The following C2orf76 variants were observed in gnomAD, a reference collection of about 807,000 sequenced individuals.
C2orf76 encodes the protein UPF0538 protein C2orf76.
A neutral mutation model predicts 16.9 loss-of-function variants in C2orf76; 23 were observed. That is an observed-to-expected ratio of 1.36 (90% CI 0.98 to 1.93). The LOEUF (loss-of-function observed/expected upper bound fraction) is 1.93, where lower values mean the gene tolerates loss of function less well. Among genes scored for constraint, C2orf76 ranks in the 30% most tolerant of loss-of-function variants. The probability of loss-of-function intolerance (pLI) is 0.00; values close to 1 mark genes in which losing one functional copy is unlikely to be tolerated. For missense variants in C2orf76, 152 were observed against 152.6 expected (o/e 1.00, Z 0.02); for synonymous variants, 48 against 52.3 (o/e 0.92, Z 0.35).
At chr2:119,282,806 A>G in the C2orf76 span, among the ~76,000 whole-genome samples, 1 of 152,246 alleles carries the variant, frequency 6.6e-6, no homozygotes, top group Non-Finnish European at 1.5e-5. Context: ...ATTAAAAAAT[A>G]ATCCAAATGT....
intron 4 of C2orf76, among the ~76,000 whole-genome samples, chr2:119,315,094 C>T (rs1403402665): frequency 1.3e-5 from 2 of 152,102 alleles, no homozygotes; most frequent in African/African-American, 4.8e-5. Context: ...ATGACTTCCA[C>T]ACATAAAATG....
At chr2:119,285,204 A>G in the C2orf76 span, among the ~76,000 whole-genome samples, 9 of 152,258 alleles carry the variant, frequency 5.9e-5, no homozygotes, top group Non-Finnish European at 8.8e-5. Flanking sequence ...TACTGTGCAT[A>G]AAACCATTAG....
intron 4 of C2orf76, among the ~76,000 whole-genome samples, chr2:119,312,081 ATAAACCCTCAGCAGTGCCG>A (rs1317434301): frequency 6.6e-6 from 1 of 152,148 alleles, no homozygotes; most frequent in Admixed American, 6.5e-5. Context: ...GATGGGGCAT[ATAAACCCTCAGCAGTGCCG>A]GCCGCAGGGT....
chr2:119,316,697 G>T (rs1679183915), intron 4 of C2orf76, among the ~76,000 whole-genome samples: 1 of 152,124 alleles, frequency 6.6e-6, no homozygotes, highest in Non-Finnish European at 1.5e-5. Flanking sequence ...ACTCCTATGA[G>T]CCAGGCACTG....
At chr2:119,284,502 G>T in the C2orf76 span, among the ~76,000 whole-genome samples, 1 of 152,016 alleles carries the variant, frequency 6.6e-6, no homozygotes, top group African/African-American at 2.4e-5. Flanking sequence ...CCCCCAAGAG[G>T]CCTCAGTGGA....
chr2:119,295,206 A>G, the C2orf76 span, among the ~76,000 whole-genome samples: 2 of 152,148 alleles, frequency 1.3e-5, no homozygotes. Context: ...AGGTTTGTCT[A>G]TGTCTATCCT....
intron 2 of C2orf76, among the ~76,000 whole-genome samples, 160 bp downstream of exon 2, chr2:119,339,667 C>A (rs961961927): frequency 1.3e-5 from 2 of 152,102 alleles, no homozygotes; most frequent in Non-Finnish European, 2.9e-5. Flanking sequence ...AGGCCCTCTG[C>A]AGATGCCAGG....
rs556332064 is a variant in C2orf76 at position 119,317,511 on chromosome 2, A to G, written c.185-8T>C. On this transcript the variant is annotated splice_polypyrimidine_tract_variant and splice_region_variant and intron_variant, in intron 3 of 5. Transcript: ENST00000334816. ...GAATAATCTTTAGTGCATCTGAAAG[A>G]AAAAAGCAAGTTATCTTTTTACACA... is the stretch of plus-strand genomic sequence containing the variant. 6.2e-7 allele frequency: 1 copy of G among 1,603,064 alleles called. No homozygotes were observed. Among genetic ancestry groups the G allele is most frequent in the African/African-American group, 1.3e-5 (1 of 74,848 alleles).
At chr2:119,353,113 G>GTAAA (rs1558796876) in intron 1 of C2orf76, among the ~76,000 whole-genome samples, 1 of 151,982 alleles carries the variant, frequency 6.6e-6, no homozygotes, top group Non-Finnish European at 1.5e-5. Flanking sequence ...TGATTTTGGA[G>GTAAA]TAAATAATCC....
chr2:119,300,974 G>A (rs1362103540), downstream of C2orf76, among the ~76,000 whole-genome samples: 1 of 152,012 alleles, frequency 6.6e-6, no homozygotes, highest in East Asian at 1.9e-4. Flanking sequence ...CTTTGCCTTT[G>A]TGTATGCTAT....
At chr2:119,327,625 C>T (rs1054621256) in intron 2 of C2orf76, among the ~76,000 whole-genome samples, 2 of 152,096 alleles carry the variant, frequency 1.3e-5, no homozygotes, top group Non-Finnish European at 2.9e-5. Context: ...CTCTCTCTCT[C>T]TCTTGCTTCC....
chr2:119,333,188 G>T (rs1573653012), intron 2 of C2orf76, among the ~76,000 whole-genome samples: 1 of 152,170 alleles, frequency 6.6e-6, no homozygotes, highest in Non-Finnish European at 1.5e-5. Context: ...TGACTGTGCT[G>T]CAGCCACATT....
the C2orf76 span, among the ~76,000 whole-genome samples, chr2:119,293,036 A>G: frequency 6.6e-6 from 1 of 152,172 alleles, no homozygotes; most frequent in African/African-American, 2.4e-5. Context: ...CTCTGTCTCA[A>G]AACAAAACAA....
the C2orf76 span, among the ~76,000 whole-genome samples, chr2:119,289,491 TC>T: frequency 7.4e-4 from 113 of 152,004 alleles, no homozygotes; most frequent in African/African-American, 2.6e-3. Context: ...ATCGAGACCA[TC>T]CTGGCCAACA....
chr2:119,318,664 G>A (rs753694297), intron 3 of C2orf76, among the ~76,000 whole-genome samples: 2 of 151,862 alleles, frequency 1.3e-5, no homozygotes, highest in Non-Finnish European at 2.9e-5. Context: ...CGAGCAGCTG[G>A]GATTACAGGC....
chr2:119,290,632 C>G, the C2orf76 span, among the ~76,000 whole-genome samples: 2 of 151,968 alleles, frequency 1.3e-5, no homozygotes, highest in Non-Finnish European at 2.9e-5. Flanking sequence ...GAGTTCGAGA[C>G]CAACCCGGCC....
chr2:119,366,335 A>AGGT (rs1680989023), intron 1 of C2orf76: 1 of 438,094 alleles, frequency 2.3e-6, no homozygotes, highest in African/African-American at 2.1e-5. Context: ...CAAATAAGAC[A>AGGT]CCGTCCCTGC....
intron 1 of C2orf76, among the ~76,000 whole-genome samples, chr2:119,361,741 C>A (rs1015640543): frequency 1.3e-5 from 2 of 152,062 alleles, no homozygotes; most frequent in Non-Finnish European, 1.5e-5. Flanking sequence ...AGGGTTCAGG[C>A]CTCCATTGGG....
At chr2:119,329,619 T>A (rs1679610683) in intron 2 of C2orf76, among the ~76,000 whole-genome samples, 1 of 152,196 alleles carries the variant, frequency 6.6e-6, no homozygotes, top group Admixed American at 6.5e-5. Flanking sequence ...TCTCTTTTTT[T>A]AGCTCATTAG....
Sources: gnomAD v4.1 joint callset for allele counts (sites outside exome capture counted in the v4.1 genomes callset) on GRCh38, gnomAD v4.1.1 for gene constraint, MANE v1.5 for transcripts, NCBI Gene and HGNC (gene_info 2026-07-23, HGNC 2026-07-21) for gene names.